Variants in CETP observed in about 807,000 individuals in gnomAD.
The protein encoded by CETP is BPI fold containing family F.
In CETP, 56 loss-of-function variants were observed where a neutral mutation model predicts 66.5. The ratio of observed to expected loss-of-function variants is 0.84; its 90% CI spans 0.68 to 1.05. The LOEUF (loss-of-function observed/expected upper bound fraction) is 1.05. Ranked by LOEUF, CETP falls within the 50% of genes least tolerant of loss-of-function variation. The pLI, the probability that CETP is intolerant of heterozygous loss-of-function variation, is 0.00. For missense variants in CETP, 612 were observed against 609.6 expected, an observed-to-expected ratio of 1.00 and a Z score of -0.04; for synonymous variants, 251 against 245.7, an observed-to-expected ratio of 1.02 and a Z score of -0.20.
intron 10 of CETP, among the ~76,000 whole-genome samples, chr16:56,977,459 C>T (rs2056157749): frequency 6.6e-6 from 1 of 152,154 alleles, no homozygotes; most frequent in South Asian, 2.1e-4. Context: ...CTCCCCCATG[C>T]CATCTGCTCC....
intron 11 of CETP, among the ~76,000 whole-genome samples, chr16:56,978,524 A>C (rs1012502029): frequency 2.0e-5 from 3 of 152,094 alleles, no homozygotes; most frequent in Non-Finnish European, 4.4e-5. Context: ...TCTGTCATCC[A>C]GGCTGGAGTG....
chr16:56,967,392 A>G (rs1417224158), intron 2 of CETP, among the ~76,000 whole-genome samples: 2 of 151,366 alleles, frequency 1.3e-5, no homozygotes, highest in Non-Finnish European at 2.9e-5. Flanking sequence ...ATGGTGGCTC[A>G]TGCCTGTAAC....
chr16:56,967,368 A>AAAAC (rs2056075176), intron 2 of CETP, among the ~76,000 whole-genome samples: 1 of 149,268 alleles, frequency 6.7e-6, no homozygotes, highest in Admixed American at 6.7e-5. Flanking sequence ...ACAAACAAAA[A>AAAAC]AAACGGGTTG....
chr16:56,980,134 A>G (rs1412811793), intron 11 of CETP, among the ~76,000 whole-genome samples: 4 of 152,186 alleles, frequency 2.6e-5, no homozygotes, highest in Admixed American at 2.0e-4. Context: ...ACTGTTAACC[A>G]AACTCTAAAC....
rs1400255955 is a variant in CETP at position 56,971,058 on chromosome 16, A to G, written c.553A>G (p.Thr185Ala). The change falls in exon 6 of 16, where the codon ACA (threonine) becomes GCA (alanine). Residue 185 changes from threonine to alanine, a missense_variant. By Grantham distance (58) the Thr-to-Ala change is moderately conservative. Coordinates refer to ENST00000200676, the MANE Select transcript of CETP (RefSeq NM_000078.3). The part of the protein sequence containing the change: ...REPGWIKQLF[T>A]NFISFTLKLV... ...GCCTGGGTGGATCAAGCAGCTGTTC[A>G]CAAATTTCATCTCCTTCACCCTGAA... The G allele has an allele frequency of 6.2e-7, 1 of 1,614,036 alleles. No homozygotes were observed. Among genetic ancestry groups the G allele is most frequent in the African/African-American group, 1.3e-5 (1 of 74,926 alleles).
Position 56,978,156 on chromosome 16 carries a change from C to T in CETP, c.1047C>T (p.Ser349=). Residue 349 remains serine (S), a synonymous_variant, in exon 11 of 16, where the codon TCC becomes TCT. Transcript: ENST00000200676. ...ACTGCCTCAAGATGCCCAAGATCTC[C>T]TGCCAAAACAAGGGAGTCGTGGTCA... ...TVHCLKMPKI[S]CQNKGVVVNS... 1 of 1,614,266 alleles carries T rather than the reference C, an allele frequency of 6.2e-7. No homozygotes were observed. The highest frequency in any genetic ancestry group is 8.5e-7 in the Non-Finnish European group (1 of 1,180,052).
chr16:56,966,411 C>G (rs2056066467), intron 2 of CETP, among the ~76,000 whole-genome samples: 1 of 152,158 alleles, frequency 6.6e-6, no homozygotes, highest in Admixed American at 6.5e-5. Context: ...AAACTATGAT[C>G]TACCAGAGCT....
At chr16:56,972,803 A>G (rs187766748) in intron 8 of CETP, among the ~76,000 whole-genome samples, 188 of 152,344 alleles carry the variant, frequency 1.2e-3, no homozygotes, top group Non-Finnish European at 2.2e-3. Context: ...TTTAGGGCGG[A>G]CCCAGCCATC....
At chr16:56,981,550 A>G in intron 12 of CETP, 97 bp from the exon 13 acceptor site, 1 of 1,408,492 alleles carries the variant, frequency 7.1e-7, no homozygotes, top group Non-Finnish European at 1.0e-6. Flanking sequence ...GCTATGAGAC[A>G]GAAGCACTGG....
At position 56,981,178 on chromosome 16, in the gene CETP, G is replaced by A; in HGVS notation, c.1167G>A (p.Gln389=). 1 of 1,613,768 alleles carries A rather than the reference G, an allele frequency of 6.2e-7. No homozygotes were observed. The highest frequency in any genetic ancestry group is 8.5e-7 in the Non-Finnish European group (1 of 1,179,658). The change falls in exon 12 of 16, where the codon CAG becomes CAA. Residue 389 remains glutamine, a synonymous_variant. Transcript: ENST00000200676. ...TFEEDIVTTV[Q]ASYSKKKLFL... ...CCCAGGATATCGTGACTACCGTCCA[G>A]GCCTCCTATTCTAAGAAAAAGCTCT...
intron 2 of CETP, among the ~76,000 whole-genome samples, chr16:56,964,425 T>A (rs1468469309): frequency 6.6e-6 from 1 of 152,290 alleles, no homozygotes; most frequent in East Asian, 1.9e-4. Context: ...CAGGAGCCGA[T>A]AGAGGTTTAG....
chr16:56,962,677 G>A (rs17237911), intron 1 of CETP, among the ~76,000 whole-genome samples: 13 of 152,298 alleles, frequency 8.5e-5, no homozygotes, highest in African/African-American at 2.9e-4. Flanking sequence ...ACTACAGACA[G>A]TGTCACAGCA....
In CETP at chr16:56,973,365, TC is replaced by T; in HGVS notation, c.790del (p.Leu264SerfsTer30). 6.2e-7 allele frequency: 1 copy of T among 1,614,004 alleles called. No individual in the cohort carries two copies. The highest frequency in any genetic ancestry group is 8.5e-7 in the Non-Finnish European group (1 of 1,179,988). On this transcript the variant is annotated frameshift_variant, in exon 9 of 16. Coordinates refer to ENST00000200676, the MANE Select transcript of CETP (RefSeq NM_000078.3). LOFTEE classifies it high-confidence loss of function. ...ATCTACAAGAATGTCTCAGAGGACC[TC>T]CCCCTCCCCACCTTCTCGCCCACAC... ...HFIYKNVSED[L>X]PLPTFSPTLL...
In CETP at chr16:56,983,465, C is replaced by T. The variant is rs1000755129; in HGVS notation, c.1407+54C>T. 3 of 1,600,846 alleles carry T rather than the reference C, an allele frequency of 1.9e-6. No homozygotes were observed. The African/African-American group carries it at 4.0e-5, about 21-fold the overall frequency. ...CTGTTCCTGGGGAGAGAGGCCCAGA[C>T]AGGATTCCTGGGGTGACTGGGGGCT... On this transcript the variant is annotated intron_variant, in intron 15 of 15. Transcript: ENST00000200676.
chr16:56,970,754 T>C (rs2141998133), intron 5 of CETP, among the ~76,000 whole-genome samples: 1 of 152,298 alleles, frequency 6.6e-6, no homozygotes, highest in Admixed American at 6.5e-5. Flanking sequence ...AGCAGACGGA[T>C]ACATGTATGA....
rs1451061046 is a variant in CETP at position 56,970,000 on chromosome 16, G to A, written c.526G>A (p.Glu176Lys). ...KLLLHLQGER[E>K]PGWIKQLFTN... ...GCTCCTGCATCTCCAAGGGGAGCGA[G>A]AGTAAGTACACCACCCTGTGGCCCC... is the stretch of plus-strand genomic sequence containing the variant. Residue 176 changes from glutamate (E) to lysine (K), a missense_variant and splice_region_variant, in exon 5 of 16, where the codon GAG (glutamate) becomes AAG (lysine). By Grantham distance (56) the Glu-to-Lys change is moderately conservative (BLOSUM62 1). Transcript: ENST00000200676. The A allele has an allele frequency of 1.1e-5, 18 of 1,613,324 alleles. No individual in the cohort carries two copies. Among genetic ancestry groups the A allele is most frequent in the Non-Finnish European group, 1.4e-5 (17 of 1,179,748 alleles).
intron 1 of CETP, 195 bp downstream of exon 1, chr16:56,962,292 C>A: frequency 1.3e-6 from 1 of 742,954 alleles, no homozygotes; most frequent in South Asian, 1.4e-5. Flanking sequence ...AGGTCAAGTT[C>A]TTTGGTGAGA....
Position 56,969,509 on chromosome 16 carries a change from C to T in CETP, c.357C>T (p.Thr119=). 1.2e-6 allele frequency: 2 copies of T among 1,614,196 alleles called. No individual in the cohort carries two copies. The highest frequency in any genetic ancestry group is 1.7e-6 in the Non-Finnish European group (2 of 1,180,042). ...AGGGGACCCTGAAGTATGGCTACAC[C>T]ACTGCCTGGTGGTAAGCATTCCTGT... ...VFKGTLKYGY[T]TAWWLGIDQS... Residue 119 remains threonine, a synonymous_variant, in exon 3 of 16, where the codon ACC becomes ACT. Transcript: ENST00000200676.
intron 1 of CETP, chr16:56,962,492 G>A (rs2056031235): frequency 2.3e-6 from 1 of 428,690 alleles, no homozygotes; most frequent in African/African-American, 2.0e-5. Context: ...GGGTTGCCAT[G>A]AGCTCAGGTG....
Sources: allele counts gnomAD v4.1 joint callset (sites outside exome capture counted in the v4.1 genomes callset), GRCh38; gene constraint gnomAD v4.1.1; transcripts MANE v1.5; gene names NCBI Gene and HGNC (gene_info 2026-07-23, HGNC 2026-07-21).